The following URI1 variants were observed in gnomAD, a reference collection of about 807,000 sequenced individuals.
URI1 encodes URI1 prefoldin like chaperone.
A neutral mutation model predicts 60.2 loss-of-function variants in URI1; 39 were observed. The observed-to-expected ratio is 0.65, with a 90% CI of 0.50 to 0.85. URI1 has a LOEUF of 0.85. URI1 is among the 40% of genes least tolerant of loss of function. URI1 has a pLI of 0.00. For missense variants in URI1, 691 were observed against 665.9 expected (o/e 1.04, Z -0.42); for synonymous variants, 251 against 236.8 (o/e 1.06, Z -0.55).
At position 30,015,841 on chromosome 19, in the gene URI1, A is replaced by T. The variant is rs2056079250; in HGVS notation, c.*772A>T. On this transcript the variant is annotated 3_prime_UTR_variant, in exon 11 of 11. Coordinates refer to ENST00000392271, the MANE Select transcript of URI1 (RefSeq NM_003796.3). Reference sequence around the variant, plus strand: ...CTTCTCCCTTAGTTTTTGCAGTTTCACTGGGATTATGTTTTGGGAAACAAG... The same window carrying T: ...CTTCTCCCTTAGTTTTTGCAGTTTCTCTGGGATTATGTTTTGGGAAACAAG... 1 of 368,480 alleles carries T rather than the reference A, an allele frequency of 2.7e-6. No homozygotes were observed. The highest frequency in any genetic ancestry group is 4.8e-6 in the Non-Finnish European group (1 of 207,068). The allele number at this position is 368,480 out of a possible 1,614,324, so 22.8% of individuals were successfully genotyped here. A position where few individuals can be genotyped will look rare whatever the true frequency, so the allele number is the denominator to read the frequency against.
chr19:29,975,750 CCCT>C (rs1465797106), intron 2 of URI1, among the ~76,000 whole-genome samples: 1 of 152,118 alleles, frequency 6.6e-6, no homozygotes, highest in African/African-American at 2.4e-5. Context: ...AGGCAATGCA[CCCT>C]CCTCCGCCTC....
At chr19:29,956,385 T>G in intron 1 of URI1, 1 of 1,455,950 alleles carries the variant, frequency 6.9e-7, no homozygotes, top group Non-Finnish European at 9.4e-7. Flanking sequence ...TGGCATCTTC[T>G]TTCTGTAGCT....
intron 1 of URI1, among the ~76,000 whole-genome samples, chr19:29,967,889 C>A (rs966409259): frequency 6.6e-6 from 1 of 152,118 alleles, no homozygotes; most frequent in Non-Finnish European, 1.5e-5. Flanking sequence ...AGATTTAAAC[C>A]GCCTCCATTG....
chr19:29,995,526 A>T (rs2055800439), intron 4 of URI1, among the ~76,000 whole-genome samples: 1 of 137,588 alleles, frequency 7.3e-6, no homozygotes, highest in Non-Finnish European at 1.5e-5. Context: ...TTGCCCTTTT[A>T]CTTTCTTCTT....
chr19:29,957,490 G>A (rs1237919948), intron 1 of URI1, among the ~76,000 whole-genome samples: 2 of 151,726 alleles, frequency 1.3e-5, no homozygotes, highest in Non-Finnish European at 2.9e-5. Flanking sequence ...CTGTTCCATT[G>A]GATTATTTGC....
chr19:30,011,152 C>T lies in URI1; in HGVS notation c.1094C>T (p.Ala365Val). Residue 365 changes from alanine to valine, a missense_variant, in exon 9 of 11, where the codon GCC becomes GTC. Ala to Val is a moderately conservative substitution (Grantham distance 64). Transcript: ENST00000392271. The part of the protein sequence containing the change: ...TLKFSEKKEE[A>V]KRKRKNSTGS... ...AAATTCAGTGAAAAGAAAGAAGAAG[C>T]CAAACGTAAACGAAAGAACAGCACT... The T allele has an allele frequency of 6.2e-7, 1 of 1,612,476 alleles. No individual in the cohort carries two copies. The highest frequency in any genetic ancestry group is 8.5e-7 in the Non-Finnish European group (1 of 1,179,400).
At chr19:29,992,952 A>T (rs1372033135) in intron 4 of URI1, among the ~76,000 whole-genome samples, 1 of 152,216 alleles carries the variant, frequency 6.6e-6, no homozygotes, top group Non-Finnish European at 1.5e-5. Context: ...TAGTCCAGTG[A>T]TTAATGTTAA....
Position 30,014,961 on chromosome 19 carries a change from C to G in URI1, c.1500C>G (p.Pro500=), listed in dbSNP as rs1399584660. ...CACCACCCCCAGCCATTGCTCATCC[C>G]GCACTACCCACTATTCCAGAACGAA... ...SLTPPPAIAH[P]ALPTIPERKE... The change falls in exon 11 of 11, where the codon CCC becomes CCG. Residue 500 remains proline, a synonymous_variant. Coordinates refer to ENST00000392271, the MANE Select transcript of URI1 (RefSeq NM_003796.3). The G allele has an allele frequency of 1.2e-6, 2 of 1,613,688 alleles. No homozygotes were observed. The highest frequency in any genetic ancestry group is 1.7e-6 in the Non-Finnish European group (2 of 1,179,782).
At chr19:29,941,290 A>C (rs1224468433), upstream of URI1, among the ~76,000 whole-genome samples, 1 of 152,194 alleles carries the variant, frequency 6.6e-6, no homozygotes, top group Non-Finnish European at 1.5e-5. Context: ...AAAGGGCTGT[A>C]GGAGGAAGTG....
At chr19:29,934,931 A>G (rs2054956161) in intron 1 of URI1, among the ~76,000 whole-genome samples, 1 of 152,204 alleles carries the variant, frequency 6.6e-6, no homozygotes, top group Non-Finnish European at 1.5e-5. Flanking sequence ...TGCAGACAGC[A>G]TATAAATTAA....
intron 4 of URI1, 48 bp from the exon 5 acceptor site, chr19:30,005,313 G>T (rs1368103321): frequency 2.8e-6 from 3 of 1,078,034 alleles, no homozygotes; most frequent in Non-Finnish European, 4.1e-6. Context: ...ATTCCTACAG[G>T]TCGTATATAT....
At chr19:29,958,626 A>C (rs985648200) in intron 1 of URI1, among the ~76,000 whole-genome samples, 2 of 152,130 alleles carry the variant, frequency 1.3e-5, no homozygotes, top group African/African-American at 4.8e-5. Flanking sequence ...ATGAGGCAAA[A>C]TTCTGTAATT....
intron 1 of URI1, among the ~76,000 whole-genome samples, chr19:29,948,592 GC>G (rs1243837495): frequency 1.3e-5 from 2 of 151,836 alleles, no homozygotes; most frequent in Non-Finnish European, 2.9e-5. Context: ...AGCACATCTT[GC>G]ACCACCCTTA....
At chr19:29,971,432 G>A (rs11878964) in intron 2 of URI1, among the ~76,000 whole-genome samples, 3,208 of 151,636 alleles carry the variant, frequency 0.021, 110 homozygotes, top group African/African-American at 0.073. Context: ...ATTTCCTGAC[G>A]TTGTGTTACC....
chr19:29,984,326 G>T lies in URI1; in HGVS notation c.153-897G>T, dbSNP rs138458021. Among the ~76,000 whole-genome samples the T allele has an allele frequency of 2.0e-3, 302 of 152,246 alleles. 2 individuals are homozygous for T. The highest frequency in any genetic ancestry group is 3.4e-3 in the Non-Finnish European group (229 of 68,020). On this transcript the variant is annotated intron_variant, in intron 2 of 10. Transcript: ENST00000392271. ...CGTCTGTAGTCTCAGCTACTCAGGA[G>T]GCTAAGGCAGGGGAATCACTTGAAC...
intron 2 of URI1, among the ~76,000 whole-genome samples, chr19:29,984,295 G>A (rs1309660100): frequency 6.6e-6 from 1 of 152,080 alleles, no homozygotes; most frequent in African/African-American, 2.4e-5. Context: ...TGGGCGTGGT[G>A]TCATGCGTCT....
At chr19:30,004,628 A>G (rs966462) in intron 4 of URI1, 122,843 of 151,974 alleles carry the variant, frequency 0.81, 50,936 homozygotes, top group Non-Finnish European at 0.9. Context: ...GAAAAGTAGG[A>G]TATTGTTCAG....
At chr19:29,970,803 G>A (rs1174386587) in intron 1 of URI1, among the ~76,000 whole-genome samples, 2 of 151,944 alleles carry the variant, frequency 1.3e-5, no homozygotes, top group Admixed American at 6.6e-5. Flanking sequence ...TTTAACTGAC[G>A]AAACGTGGAT....
intron 9 of URI1, 25 bp from the exon 10 acceptor site, chr19:30,012,260 T>G (rs2145451818): frequency 6.3e-7 from 1 of 1,595,922 alleles, no homozygotes; most frequent in East Asian, 2.2e-5. Context: ...GTATAGTGAA[T>G]GCATATGTGT....
Sources: allele counts gnomAD v4.1 joint callset (sites outside exome capture counted in the v4.1 genomes callset), GRCh38; gene constraint gnomAD v4.1.1; transcripts MANE v1.5; gene names NCBI Gene and HGNC (gene_info 2026-07-23, HGNC 2026-07-21).